STARD9: variants seen among roughly 807,000 people sequenced by gnomAD.
The protein encoded by STARD9 is stAR-related lipid transfer protein 9.
A neutral mutation model predicts 399.8 loss-of-function variants in STARD9; 346 were observed. The ratio of observed to expected loss-of-function variants is 0.87; its 90% CI spans 0.79 to 0.95. The LOEUF is 0.95. Ranked by LOEUF, STARD9 falls within the 40% of genes least tolerant of loss-of-function variation. The pLI, the probability that STARD9 is intolerant of heterozygous loss-of-function variation, is 0.00. For synonymous variants in STARD9, 2,203 were observed against 2,143.5 expected (o/e 1.03, Z -0.77); for missense variants, 5,832 against 5,667.5 (o/e 1.03, Z -0.93).
chr15:42,627,100 A>T (rs2059241959), intron 3 of STARD9, among the ~76,000 whole-genome samples: 1 of 152,084 alleles, frequency 6.6e-6, no homozygotes, highest in Admixed American at 6.6e-5. Context: ...GTTTGACACC[A>T]GCCTGGGTAA....
Position 42,575,715 on chromosome 15 carries a change from G to A in STARD9, c.-1G>A. The A allele has an allele frequency of 6.5e-7, 1 of 1,536,574 alleles. No homozygotes were observed. Among genetic ancestry groups the A allele is most frequent in the Non-Finnish European group, 8.7e-7 (1 of 1,146,792 alleles). Reference sequence around the variant, plus strand: ...CGCTGGACTTGGGTTGTGGCAGACGGATGGCGAACGTGCAGGTCGCCGTGC... The same window carrying A: ...CGCTGGACTTGGGTTGTGGCAGACGAATGGCGAACGTGCAGGTCGCCGTGC... On this transcript the variant is annotated 5_prime_UTR_variant, in exon 1 of 33. Transcript: ENST00000290607.
In STARD9 at chr15:42,692,163, C is replaced by G. The variant is rs538915959; in HGVS notation, c.10585C>G (p.Leu3529Val). 7 of 1,537,046 alleles carry G rather than the reference C, an allele frequency of 4.6e-6. No individual in the cohort carries two copies. The highest frequency in any genetic ancestry group is 6.1e-6 in the Non-Finnish European group (7 of 1,146,916). Residue 3529 changes from leucine (L) to valine (V), a missense_variant, in exon 23 of 33, where the codon CTC becomes GTC. Leu to Val is a conservative substitution (Grantham distance 32). Coordinates refer to ENST00000290607, the MANE Select transcript of STARD9 (RefSeq NM_020759.3). ...CCAGAACTCCCCTTTCCACTCCCAC[C>G]TCAGCACTTACGCCAATATTTGTGA... ...EDQNSPFHSH[L>V]STYANICDLS...
Position 42,611,392 on chromosome 15 carries a change from G to T in STARD9, c.235-23464G>T, listed in dbSNP as rs541605431. On this transcript the variant is annotated intron_variant, in intron 3 of 32. Transcript: ENST00000290607. ...TATTAGGAATGGAAATGTTCCCAGA[G>T]GATTTGCCTCAATTGTTGGAGACAT... Among the ~76,000 whole-genome samples the T allele has an allele frequency of 2.0e-5, 3 of 152,268 alleles. No homozygotes were observed. In the South Asian group the frequency reaches 6.2e-4, roughly 32 times the overall value.
In STARD9 at chr15:42,695,148, A is replaced by G; in HGVS notation, c.12971A>G (p.Glu4324Gly). Residue 4324 changes from glutamate to glycine, a missense_variant, in exon 25 of 33, where the codon GAG (glutamate) becomes GGG (glycine). Coordinates refer to ENST00000290607, the MANE Select transcript of STARD9 (RefSeq NM_020759.3). ...KDVVETTRSP[E>G]SVSRSAHTPS... ...CCCGTGATCTTCCTCAGGAGCCCAG[A>G]GTCAGTGTCAAGGTCAGCTCACACA... is the stretch of plus-strand genomic sequence containing the variant. 6.5e-7 allele frequency: 1 copy of G among 1,529,742 alleles called. No individual in the cohort carries two copies. Among genetic ancestry groups the G allele is most frequent in the Non-Finnish European group, 8.8e-7 (1 of 1,141,496 alleles). The allele number at this position is 1,529,742 out of a possible 1,614,324, so 94.8% of individuals were successfully genotyped here.
At position 42,717,739 on chromosome 15, in the gene STARD9, T is replaced by A; in HGVS notation, c.13503T>A (p.Ala4501=). The change falls in exon 29 of 33, where the codon GCT becomes GCA. Residue 4501 remains alanine, a synonymous_variant. Transcript: ENST00000290607. ...VVDTSMADVM[A]ACSDNLHNLF... is the part of the protein sequence containing the mutation. The stretch of plus-strand genomic sequence containing the variant: ...GGCCATTGTGTCCCCAGGTAATGGC[T>A]GCTTGTTCGGATAATTTGCACAACC... The A allele has an allele frequency of 1.3e-6, 2 of 1,537,228 alleles. No individual in the cohort carries two copies. The highest frequency in any genetic ancestry group is 1.7e-6 in the Non-Finnish European group (2 of 1,146,902).
At chr15:42,616,318 A>G (rs1307093926) in intron 3 of STARD9, among the ~76,000 whole-genome samples, 1 of 152,258 alleles carries the variant, frequency 6.6e-6, no homozygotes, top group Non-Finnish European at 1.5e-5. Context: ...GCCAAAGGCC[A>G]TTTCAAAATA....
In STARD9 at chr15:42,674,917, G is replaced by A; in HGVS notation, c.1640G>A (p.Cys547Tyr). ...VVLRPARGAR[C>Y]TVNGREVTAS... is the part of the protein sequence containing the mutation. ...CTACGACCTGCCCGTGGGGCCCGCT[G>A]TACAGTCAATGGCCGGGAGGTCACT... Residue 547 changes from cysteine to tyrosine, a missense_variant, in exon 18 of 33, where the codon TGT becomes TAT. By Grantham distance (194) the Cys-to-Tyr change is radical. Transcript: ENST00000290607. The A allele has an allele frequency of 1.3e-6, 2 of 1,537,026 alleles. No homozygotes were observed. The highest frequency in any genetic ancestry group is 1.4e-5 in the African/African-American group (1 of 73,160).
chr15:42,578,299 C>T lies in STARD9; in HGVS notation c.47+2537C>T, dbSNP rs139430686. On this transcript the variant is annotated intron_variant, in intron 1 of 32. Transcript: ENST00000290607. ...CTGATTTTTGTATTTTTAGTAGAGA[C>T]GGGGTTTCACCATGTTGGCCAGGCT... 4.8e-3 allele frequency among the ~76,000 whole-genome samples: 733 copies of T among 152,016 alleles called. 4 individuals are homozygous for T. The highest frequency in any genetic ancestry group is 0.034 in the Middle Eastern group (10 of 294).
intron 32 of STARD9, 76 bp downstream of exon 32, chr15:42,718,986 G>T (rs139009450): frequency 7.3e-7 from 1 of 1,371,282 alleles, no homozygotes; most frequent in Non-Finnish European, 1.0e-6. Context: ...TTTCTGTCTC[G>T]CTTTTGAACA....
At chr15:42,638,679 C>G (rs1330930401) in intron 6 of STARD9, 21 bp from the exon 7 acceptor site, 32 of 1,462,994 alleles carry the variant, frequency 2.2e-5, no homozygotes, top group Non-Finnish European at 2.8e-5. Flanking sequence ...AATTATGTTG[C>G]CTTTTTCTAC....
intron 9 of STARD9, among the ~76,000 whole-genome samples, chr15:42,658,666 A>G (rs1312705935): frequency 2.0e-5 from 3 of 151,030 alleles, no homozygotes; most frequent in Non-Finnish European, 4.4e-5. Context: ...TATTTTTAGT[A>G]GAGACGGGGT....
chr15:42,613,681 T>G (rs1054652323), intron 3 of STARD9, among the ~76,000 whole-genome samples: 1 of 152,170 alleles, frequency 6.6e-6, no homozygotes, highest in African/African-American at 2.4e-5. Context: ...CAAGAATTTA[T>G]CGGCTGGGCG....
At chr15:42,597,648 G>A (rs996981869) in intron 3 of STARD9, among the ~76,000 whole-genome samples, 1 of 151,552 alleles carries the variant, frequency 6.6e-6, no homozygotes, top group Non-Finnish European at 1.5e-5. Context: ...GCAATTCTCC[G>A]CCTCAGCCTC....
chr15:42,704,823 C>G (rs2061041229), intron 26 of STARD9, among the ~76,000 whole-genome samples: 1 of 152,156 alleles, frequency 6.6e-6, no homozygotes, highest in Admixed American at 6.5e-5. Flanking sequence ...ACCATGTTGC[C>G]TACAGTTGGA....
rs116745790 is a variant in STARD9, at chr15:42,687,825, G to A, written c.6247G>A (p.Glu2083Lys). The change falls in exon 23 of 33, where the codon GAG becomes AAG. Residue 2083 changes from glutamate to lysine, a missense_variant. Transcript: ENST00000290607. ...TTCCCACACACCAGGAACCGATAAG[G>A]AGTTGGTGTTCCAGGACCAGAAGGA... is the stretch of plus-strand genomic sequence containing the variant. ...HASHTPGTDK[E>K]LVFQDQKEQE... 8.9e-3 allele frequency: 13,609 copies of A among 1,537,394 alleles called. 403 individuals carry two copies. The African/African-American group carries it at 0.089, about 10-fold the overall frequency.
chr15:42,620,520 G>T (rs1432001543), intron 3 of STARD9, among the ~76,000 whole-genome samples: 2 of 151,916 alleles, frequency 1.3e-5, no homozygotes, highest in Non-Finnish European at 2.9e-5. Context: ...GTTAATTGCT[G>T]CCATCTAATC....
chr15:42,663,939 T>C (rs530523080), intron 13 of STARD9, 22 bp downstream of exon 13: 11 of 1,431,818 alleles, frequency 7.7e-6, no homozygotes, highest in East Asian at 2.5e-5. Flanking sequence ...TCAGAAGTCC[T>C]GGTCTGGTAT....
intron 3 of STARD9, among the ~76,000 whole-genome samples, chr15:42,603,140 A>G (rs960948212): frequency 9.9e-5 from 15 of 152,198 alleles, no homozygotes. Context: ...TATTTACACA[A>G]GCCCACTTTC....
chr15:42,637,888 C>A lies in STARD9; in HGVS notation c.352-19C>A. 6.5e-7 allele frequency: 1 copy of A among 1,537,120 alleles called. No homozygotes were observed. The highest frequency in any genetic ancestry group is 2.4e-5 in the East Asian group (1 of 40,904). ...CATCTTAAGTAAACAATAATGCTTT[C>A]CTTTCTTCTGTTCACCAGGCCTCTG... On this transcript the variant is annotated intron_variant, in intron 4 of 32. Transcript: ENST00000290607.
Sources: allele counts gnomAD v4.1 joint callset (sites outside exome capture counted in the v4.1 genomes callset), GRCh38; gene constraint gnomAD v4.1.1; transcripts MANE v1.5; gene names NCBI Gene and HGNC (gene_info 2026-07-23, HGNC 2026-07-21).